Variants in RIMBP2 observed in about 807,000 individuals in gnomAD.
RIMBP2 encodes the protein RIMS-binding protein 2.
In RIMBP2, 48 loss-of-function variants were observed where a neutral mutation model predicts 118.6. That is an observed-to-expected ratio of 0.40 (90% confidence interval 0.32 to 0.51). The LOEUF (loss-of-function observed/expected upper bound fraction) is 0.51. RIMBP2 is among the 20% of genes least tolerant of loss of function. RIMBP2 has a pLI of 0.41. For missense variants in RIMBP2, 1,551 were observed against 1,768.3 expected (o/e 0.88, Z 2.20); for synonymous variants, 762 against 742.9 (o/e 1.03, Z -0.42).
chr12:130,551,007 T>G (rs2055721606), intron 2 of RIMBP2, among the ~76,000 whole-genome samples: 1 of 152,208 alleles, frequency 6.6e-6, no homozygotes, highest in African/African-American at 2.4e-5. Flanking sequence ...GGCACCACCT[T>G]CCAGAAGCTG....
chr12:130,711,099 C>G (rs556582914), intron 1 of RIMBP2, among the ~76,000 whole-genome samples: 1 of 152,156 alleles, frequency 6.6e-6, no homozygotes, highest in South Asian at 2.1e-4. Flanking sequence ...AAAACTTAGC[C>G]GGGCGTGGTA....
At chr12:130,430,106 C>T (rs1410354401) in intron 14 of RIMBP2, 1 of 152,264 alleles carries the variant, frequency 6.6e-6, no homozygotes, top group East Asian at 1.9e-4. Context: ...CAAAGGTCAC[C>T]AGCATTTCAG....
chr12:130,627,267 C>T (rs1228573227), intron 2 of RIMBP2, among the ~76,000 whole-genome samples: 2 of 152,246 alleles, frequency 1.3e-5, no homozygotes. Flanking sequence ...TCTTCTGCTG[C>T]GCGATCAAAT....
At chr12:130,663,325 C>T (rs1456071515) in intron 1 of RIMBP2, among the ~76,000 whole-genome samples, 1 of 152,180 alleles carries the variant, frequency 6.6e-6, no homozygotes, top group Non-Finnish European at 1.5e-5. Context: ...GGGCCAGGCA[C>T]CTGTTGACAG....
In RIMBP2 at chr12:130,424,528, G is replaced by T; in HGVS notation, c.2743C>A (p.Arg915=). 1.6e-6 allele frequency: 2 copies of T among 1,231,962 alleles called. No individual in the cohort carries two copies. The highest frequency in any genetic ancestry group is 2.0e-6 in the Non-Finnish European group (2 of 987,848). 76.3% of individuals were successfully genotyped at this position (1,231,962 alleles called of 1,614,324 possible). Residue 915 remains arginine, a synonymous_variant, in exon 16 of 23, where the codon CGG becomes AGG. Transcript: ENST00000690449. The surrounding 1 kb of genome is among the most constrained non-coding windows in gnomAD (Gnocchi z 9.8). ...CAGTCCAGGCCGCTGTCCGGGCTCCGGGTGGCCGAGCGGCTGAACCGACAG... is the reference window on the plus strand; with the variant it reads ...CAGTCCAGGCCGCTGTCCGGGCTCCTGGTGGCCGAGCGGCTGAACCGACAG... ...RGCRFSRSAT[R]SPDSGLDCGS...
At chr12:130,453,664 G>A (rs2079180099) in intron 7 of RIMBP2, among the ~76,000 whole-genome samples, 1 of 152,246 alleles carries the variant, frequency 6.6e-6, no homozygotes, top group African/African-American at 2.4e-5. Flanking sequence ...GAACAGAACA[G>A]TGGTTTCCAG....
At chr12:130,616,487 T>G (rs1461052092) in intron 2 of RIMBP2, among the ~76,000 whole-genome samples, 1 of 152,128 alleles carries the variant, frequency 6.6e-6, no homozygotes, top group Non-Finnish European at 1.5e-5. Flanking sequence ...CTTGCTGATT[T>G]CTCCTCAAAC....
intron 2 of RIMBP2, among the ~76,000 whole-genome samples, chr12:130,550,964 C>T (rs932895406): frequency 1.3e-5 from 2 of 152,170 alleles, no homozygotes; most frequent in Non-Finnish European, 2.9e-5. Context: ...AAAGCAAGCA[C>T]CTGTGTGTCT....
rs1566172034 is a variant in RIMBP2 at position 130,511,339 on chromosome 12, C to T, written c.-126-4569G>A. Among the ~76,000 whole-genome samples, 1 of 152,148 alleles carries T rather than the reference C, an allele frequency of 6.6e-6. No homozygotes were observed. The highest frequency in any genetic ancestry group is 2.4e-5 in the African/African-American group (1 of 41,430). On this transcript the variant is annotated intron_variant, in intron 3 of 22. Transcript: ENST00000690449. This position sits in a 1 kb window ranked among gnomAD's most constrained non-coding sequence, Gnocchi z 4.3. Reference sequence around the variant, plus strand: ...GCGGTGAGACACGGTGGTGTGTGTGCTTGTAGGAATTTGTCACAGCAGCAA... The same window carrying T: ...GCGGTGAGACACGGTGGTGTGTGTGTTTGTAGGAATTTGTCACAGCAGCAA...
At chr12:130,439,233 T>A (rs1490291008) in intron 11 of RIMBP2, among the ~76,000 whole-genome samples, 1 of 151,954 alleles carries the variant, frequency 6.6e-6, no homozygotes, top group Non-Finnish European at 1.5e-5. Context: ...TGTGTGTAGA[T>A]GTATATGTAT....
rs1593041258 is a variant in RIMBP2, at chr12:130,703,836, C to CGAGA, written c.-352+12385_-352+12386insTCTC. Among the ~76,000 whole-genome samples the CGAGA allele has an allele frequency of 3.7e-4, 46 of 123,266 alleles. No individual in the cohort carries two copies. The highest frequency in any genetic ancestry group is 2.3e-3 in the East Asian group (11 of 4,750). 80.9% of individuals were successfully genotyped at this position (123,266 alleles called of 152,430 possible). The stretch of plus-strand genomic sequence containing the variant: ...GAAATACAGAGAGAGAGAGAGAGAT[C>CGAGA]GATCTAGAAGCACGGAGGGAACCCT... On this transcript the variant is annotated intron_variant, in intron 1 of 22. Coordinates refer to ENST00000690449, the MANE Select transcript of RIMBP2 (RefSeq NM_001393629.1). This position sits in a 1 kb window ranked among gnomAD's most constrained non-coding sequence, Gnocchi z 5.7.
At chr12:130,508,260 G>A (rs568653402) in intron 3 of RIMBP2, among the ~76,000 whole-genome samples, 39 of 151,974 alleles carry the variant, frequency 2.6e-4, no homozygotes, top group African/African-American at 8.9e-4. Flanking sequence ...ACGGTGACCA[G>A]CACCATCTTT....
chr12:130,517,159 G>A (rs1398363736), intron 3 of RIMBP2, among the ~76,000 whole-genome samples: 1 of 152,138 alleles, frequency 6.6e-6, no homozygotes, highest in Non-Finnish European at 1.5e-5. Flanking sequence ...ATGGATCAAT[G>A]TGTTAATGGA....
intron 1 of RIMBP2, among the ~76,000 whole-genome samples, chr12:130,673,670 G>A (rs780009360): frequency 6.6e-6 from 1 of 152,220 alleles, no homozygotes; most frequent in Non-Finnish European, 1.5e-5. Flanking sequence ...TTGGGTCTGT[G>A]TTCCTGCCCA....
Position 130,442,718 on chromosome 12 carries a change from C to T in RIMBP2, c.692-58G>A. 7.0e-6 allele frequency: 10 copies of T among 1,430,316 alleles called. No homozygotes were observed. Among genetic ancestry groups the T allele is most frequent in the Non-Finnish European group, 9.6e-6 (10 of 1,039,888 alleles). The allele number at this position is 1,430,316 out of a possible 1,614,324, so 88.6% of individuals were successfully genotyped here. On this transcript the variant is annotated intron_variant, in intron 10 of 22. Transcript: ENST00000690449. This position sits in a 1 kb window ranked among gnomAD's most constrained non-coding sequence, Gnocchi z 6.9. ...CCAACACAGCAGGGGCCTCGAGGCC[C>T]CCAGTGTACTCCCACCTCCCCCACC...
chr12:130,517,760 T>C (rs767052938), intron 3 of RIMBP2, 68 bp downstream of exon 3: 4 of 576,648 alleles, frequency 6.9e-6, no homozygotes, highest in Non-Finnish European at 8.8e-6. Context: ...CCTTCCCAGT[T>C]GTTCCTCCCT....
intron 2 of RIMBP2, among the ~76,000 whole-genome samples, chr12:130,604,021 C>T (rs541313524): frequency 1.6e-4 from 24 of 152,296 alleles, no homozygotes; most frequent in Admixed American, 1.4e-3. Context: ...GGCCGCTCCA[C>T]GCGTGCTTTG....
intron 1 of RIMBP2, among the ~76,000 whole-genome samples, chr12:130,702,465 G>A (rs1419930084): frequency 6.6e-6 from 1 of 151,598 alleles, no homozygotes; most frequent in Admixed American, 6.6e-5. Flanking sequence ...GCAGTGAGCT[G>A]AGATCATGCC....
intron 21 of RIMBP2, among the ~76,000 whole-genome samples, chr12:130,401,530 T>C (rs955989363): frequency 4.0e-5 from 6 of 151,870 alleles, no homozygotes; most frequent in Non-Finnish European, 7.4e-5. Context: ...CTCACTGCCC[T>C]GCCCCGCCCC....
Sources: allele counts gnomAD v4.1 joint callset (sites outside exome capture counted in the v4.1 genomes callset), GRCh38; gene constraint gnomAD v4.1.1; non-coding constraint Gnocchi (gnomAD v3.1); transcripts MANE v1.5; gene names NCBI Gene and HGNC (gene_info 2026-07-23, HGNC 2026-07-21).